MYH15: variants seen among roughly 807,000 people sequenced by gnomAD.
MYH15 encodes the protein myosin heavy chain 15, also known as myosin-15.
A neutral mutation model predicts 240.5 loss-of-function variants in MYH15; 227 were observed. The ratio of observed to expected loss-of-function variants is 0.94; its 90% CI spans 0.85 to 1.05. The LOEUF is 1.05. Among genes scored for constraint, MYH15 ranks in the 50% least tolerant of loss-of-function variants. The pLI, the probability that MYH15 is intolerant of heterozygous loss-of-function variation, is 0.00. For synonymous variants in MYH15, 785 were observed against 796.7 expected, an observed-to-expected ratio of 0.99 and a Z score of 0.25; for missense variants, 2,217 against 2,247.5, an observed-to-expected ratio of 0.99 and a Z score of 0.27.
intron 27 of MYH15, among the ~76,000 whole-genome samples, chr3:108,427,617 AACACACAC>A (rs150751928): frequency 8.1e-6 from 1 of 122,858 alleles, no homozygotes; most frequent in African/African-American, 3.0e-5. Context: ...ACACACACAC[AACACACAC>A]ACACACACAC....
At chr3:108,416,053 GA>G (rs2082630538) in intron 29 of MYH15, among the ~76,000 whole-genome samples, 1 of 152,136 alleles carries the variant, frequency 6.6e-6, no homozygotes, top group South Asian at 2.1e-4. Flanking sequence ...TCATTTGACT[GA>G]TATGAAGATT....
chr3:108,465,314 G>A (rs2083105532), intron 14 of MYH15, among the ~76,000 whole-genome samples: 2 of 152,192 alleles, frequency 1.3e-5, no homozygotes, highest in South Asian at 2.1e-4. Context: ...CCCGAGGCCA[G>A]AGCCCACTTG....
At chr3:108,545,203 A>G in the MYH15 span, among the ~76,000 whole-genome samples, 1 of 152,258 alleles carries the variant, frequency 6.6e-6, no homozygotes, top group East Asian at 1.9e-4. Flanking sequence ...AGCAACCCAG[A>G]CTAGTCTAGT....
At chr3:108,448,203 A>T (rs140396359) in intron 21 of MYH15, among the ~76,000 whole-genome samples, 1 of 152,086 alleles carries the variant, frequency 6.6e-6, no homozygotes, top group African/African-American at 2.4e-5. Context: ...AGAAAGAAAC[A>T]ATTTTTTTAA....
At chr3:108,503,209 C>G (rs985883502) in intron 2 of MYH15, among the ~76,000 whole-genome samples, 2 of 152,128 alleles carry the variant, frequency 1.3e-5, no homozygotes, top group Non-Finnish European at 2.9e-5. Flanking sequence ...GCATTAATGG[C>G]CTTTTCTTCC....
At chr3:108,486,372 C>T (rs1433809093) in intron 10 of MYH15, 51 bp downstream of exon 10, 7 of 1,443,690 alleles carry the variant, frequency 4.8e-6, no homozygotes, top group Non-Finnish European at 6.8e-6. Context: ...TTCTGTCTTT[C>T]ATTTCTCATT....
In MYH15 at chr3:108,444,901, T is replaced by A. The variant is rs1318053636; in HGVS notation, c.2400-6A>T. 3.1e-6 allele frequency: 5 copies of A among 1,588,546 alleles called. No individual in the cohort carries two copies. The highest frequency in any genetic ancestry group is 3.7e-5 in the Admixed American group (2 of 53,450). On this transcript the variant is annotated splice_region_variant and splice_polypyrimidine_tract_variant and intron_variant, in intron 21 of 40. Transcript: ENST00000693548. ...GGATCAAAATAAGTGCATCCCTAAA[T>A]CAAGAAAGAAAAAAGAAAAGCAAGT... is the stretch of plus-strand genomic sequence containing the variant.
intron 31 of MYH15, among the ~76,000 whole-genome samples, chr3:108,409,479 T>C (rs1333439022): frequency 2.6e-5 from 4 of 152,358 alleles, no homozygotes; most frequent in African/African-American, 9.6e-5. Context: ...GCCCCAGCCA[T>C]CTGTGCTTTA....
intron 28 of MYH15, 68 bp downstream of exon 28, chr3:108,421,020 T>C: frequency 1.9e-6 from 3 of 1,599,460 alleles, no homozygotes; most frequent in Non-Finnish European, 2.6e-6. Context: ...GTTCATTATC[T>C]CAGTTGTGCC....
chr3:108,443,868 T>C (rs557396314), intron 22 of MYH15, among the ~76,000 whole-genome samples: 1 of 151,356 alleles, frequency 6.6e-6, no homozygotes, highest in African/African-American at 2.4e-5. Flanking sequence ...TCTTTATTTT[T>C]TTTTTTTTAA....
chr3:108,396,317 A>C (rs934175531), intron 35 of MYH15, among the ~76,000 whole-genome samples: 10 of 152,308 alleles, frequency 6.6e-5, no homozygotes, highest in African/African-American at 2.2e-4. Flanking sequence ...CATGGAAGAA[A>C]ATTTTTCCAT....
the MYH15 span, among the ~76,000 whole-genome samples, chr3:108,545,809 C>T: frequency 6.6e-6 from 1 of 151,914 alleles, no homozygotes; most frequent in East Asian, 1.9e-4. Context: ...AATCTCTTCC[C>T]AATACCTATT....
intron 1 of MYH15, among the ~76,000 whole-genome samples, chr3:108,507,256 T>C (rs997844869): frequency 4.8e-5 from 3 of 62,732 alleles, no homozygotes; most frequent in Non-Finnish European, 7.5e-5. Flanking sequence ...TATATATATA[T>C]ATATATATAT....
At chr3:108,510,386 A>G (rs1559672862) in intron 1 of MYH15, 57 bp downstream of exon 1, 1 of 1,556,742 alleles carries the variant, frequency 6.4e-7, no homozygotes, top group East Asian at 2.2e-5. Flanking sequence ...CAAATATCTT[A>G]GTCACCATCT....
intron 2 of MYH15, 152 bp downstream of exon 2, chr3:108,505,571 C>T (rs1213400601): frequency 9.8e-6 from 4 of 408,224 alleles, no homozygotes; most frequent in Admixed American, 4.3e-5. Flanking sequence ...TGCCCACTGA[C>T]TTAAGGAGGA....
intron 20 of MYH15, among the ~76,000 whole-genome samples, chr3:108,455,122 T>C (rs979178800): frequency 6.6e-6 from 1 of 152,206 alleles, no homozygotes; most frequent in African/African-American, 2.4e-5. Context: ...TCAAATAATT[T>C]GTTCCTTATA....
the MYH15 span, among the ~76,000 whole-genome samples, chr3:108,546,120 T>C: frequency 6.6e-6 from 1 of 152,096 alleles, no homozygotes; most frequent in Non-Finnish European, 1.5e-5. Flanking sequence ...CACAAAGGGG[T>C]TGGGATCACT....
intron 38 of MYH15, among the ~76,000 whole-genome samples, chr3:108,386,906 G>A (rs55757154): frequency 1.3e-5 from 2 of 152,272 alleles, no homozygotes; most frequent in African/African-American, 4.8e-5. Context: ...GATGGGTGGA[G>A]AGTGAGGGGC....
intron 1 of MYH15, among the ~76,000 whole-genome samples, chr3:108,509,898 T>C (rs13099836): frequency 0.2 from 29,719 of 152,042 alleles, 3,740 homozygotes; most frequent in East Asian, 0.62. Context: ...GTCTCCTAAT[T>C]ACCTTTTGCT....
Sources: allele counts gnomAD v4.1 joint callset (sites outside exome capture counted in the v4.1 genomes callset), GRCh38; gene constraint gnomAD v4.1.1; transcripts MANE v1.5; gene names NCBI Gene and HGNC (gene_info 2026-07-23, HGNC 2026-07-21).